Variants in CLTRN observed in about 807,000 individuals in gnomAD.
CLTRN encodes the protein collectrin.
CLTRN carries 12 observed loss-of-function variants against 14.5 expected under a neutral mutation model. That is an observed-to-expected ratio of 0.83 (90% CI 0.53 to 1.34). CLTRN has a LOEUF of 1.34. Ranked by LOEUF, CLTRN falls within the 40% of genes most tolerant of loss-of-function variation. The pLI is 0.00. For synonymous variants in CLTRN, 58 were observed against 56.5 expected (o/e 1.03, Z -0.12); for missense variants, 154 against 165.1 (o/e 0.93, Z 0.37).
chrX:15,660,527 G>T (rs923738276), intron 2 of CLTRN, among the ~76,000 whole-genome samples: 1 of 110,065 alleles, frequency 9.1e-6, no homozygotes, highest in Non-Finnish European at 1.9e-5. Flanking sequence ...ACAGAAAAGG[G>T]GGACAGGAGT....
At chrX:15,653,774 G>A (rs955154713) in intron 3 of CLTRN, among the ~76,000 whole-genome samples, 6 of 112,098 alleles carry the variant, frequency 5.4e-5, no homozygotes, top group Non-Finnish European at 7.5e-5. Context: ...TGCAGAGTCC[G>A]AGAAGGGCAG....
At chrX:15,675,623 G>C (rs1274493080), upstream of CLTRN, 1 of 112,665 alleles carries the variant, frequency 8.9e-6, no homozygotes, top group Non-Finnish European at 1.9e-5. Context: ...TTTCAGCCTG[G>C]GTCGGGGACA....
In CLTRN at chrX:15,645,407, G is replaced by T. The variant is rs940188993; in HGVS notation, c.204-378C>A. On this transcript the variant is annotated intron_variant, in intron 3 of 5. Coordinates refer to ENST00000380342, the MANE Select transcript of CLTRN (RefSeq NM_020665.6). ...CTCATTCAACTCTTTTTAGTGCCCT[G>T]CCCATTCAGTCTTCCACCTCTCAGA... is the stretch of plus-strand genomic sequence containing the variant. 3.6e-5 allele frequency among the ~76,000 whole-genome samples: 4 copies of T among 110,978 alleles called. No individual in the cohort carries two copies. In the Admixed American group the frequency reaches 3.8e-4, roughly 11 times the overall value.
At chrX:15,633,392 C>T (rs1308369477) in intron 5 of CLTRN, among the ~76,000 whole-genome samples, 1 of 112,203 alleles carries the variant, frequency 8.9e-6, no homozygotes, top group Admixed American at 9.4e-5. Context: ...GGAATTGACA[C>T]TCAAATACGT....
At chrX:15,638,989 C>G (rs1928878914) in intron 5 of CLTRN, among the ~76,000 whole-genome samples, 2 of 111,808 alleles carry the variant, frequency 1.8e-5, no homozygotes, top group South Asian at 7.5e-4. Context: ...AACAAGTGTT[C>G]CAGGTGATGT....
At chrX:15,635,613 C>T (rs5934253) in intron 5 of CLTRN, among the ~76,000 whole-genome samples, 27,568 of 110,334 alleles carry the variant, frequency 0.25, 2,721 homozygotes, top group East Asian at 0.52. Flanking sequence ...TTGTCTCACA[C>T]CAAATACAAA....
At chrX:15,633,308 A>G (rs1490990045) in intron 5 of CLTRN, among the ~76,000 whole-genome samples, 3 of 112,464 alleles carry the variant, frequency 2.7e-5, no homozygotes, top group Non-Finnish European at 5.6e-5. Flanking sequence ...ATATTTTATT[A>G]TCACTGTTTT....
intron 2 of CLTRN, among the ~76,000 whole-genome samples, chrX:15,662,475 A>G (rs1485330776): frequency 9.0e-6 from 1 of 111,399 alleles, no homozygotes; most frequent in Admixed American, 9.5e-5. Context: ...CTCTGACCGG[A>G]GTCTGTTCAT....
At chrX:15,657,760 G>C (rs1015778982) in intron 3 of CLTRN, among the ~76,000 whole-genome samples, 1 of 111,521 alleles carries the variant, frequency 9.0e-6, no homozygotes, top group Non-Finnish European at 1.9e-5. Flanking sequence ...ATAATTTTAA[G>C]ATCTATAAAA....
At chrX:15,646,316 G>C (rs954281600) in intron 3 of CLTRN, 2 of 257,140 alleles carry the variant, frequency 7.8e-6, no homozygotes, top group African/African-American at 5.7e-5. Context: ...CACTGAGCCC[G>C]GACACTATCT....
chrX:15,666,511 C>T (rs1255314919), upstream of CLTRN, among the ~76,000 whole-genome samples: 7 of 112,080 alleles, frequency 6.2e-5, no homozygotes, highest in South Asian at 7.4e-4. Context: ...AAAGCAACAA[C>T]GAGGAAAATA....
At chrX:15,671,901 G>GT (rs1929727540) in intron 1 of CLTRN, among the ~76,000 whole-genome samples, 1 of 108,116 alleles carries the variant, frequency 9.2e-6, no homozygotes, top group African/African-American at 3.4e-5. Context: ...AGTATCCTTG[G>GT]TAAGCAAGAA....
intron 3 of CLTRN, among the ~76,000 whole-genome samples, chrX:15,655,260 C>G (rs1929322510): frequency 8.9e-6 from 1 of 112,149 alleles, no homozygotes; most frequent in African/African-American, 3.2e-5. Flanking sequence ...TAAGGAAAGG[C>G]CAAATTATTC....
chrX:15,632,814 G>A (rs1251658652), intron 5 of CLTRN, among the ~76,000 whole-genome samples: 1 of 103,928 alleles, frequency 9.6e-6, no homozygotes, highest in Non-Finnish European at 2.0e-5. Context: ...AACCCGGGAG[G>A]CGGAGCTTGC....
chrX:15,656,476 G>A (rs747371479), intron 3 of CLTRN, among the ~76,000 whole-genome samples: 3 of 110,612 alleles, frequency 2.7e-5, no homozygotes, highest in Admixed American at 9.6e-5. Flanking sequence ...AATGGTGGGC[G>A]GGGGGGAGAC....
chrX:15,657,929 C>A (rs1365166978), intron 3 of CLTRN, among the ~76,000 whole-genome samples: 1 of 111,907 alleles, frequency 8.9e-6, no homozygotes, highest in Non-Finnish European at 1.9e-5. Context: ...TTCCACTCTT[C>A]TGTTTCATTC....
intron 3 of CLTRN, among the ~76,000 whole-genome samples, chrX:15,650,411 T>A (rs1475829553): frequency 9.0e-6 from 1 of 111,709 alleles, no homozygotes; most frequent in South Asian, 3.7e-4. Flanking sequence ...ATTTAAAAAA[T>A]TTGTTTGAAA....
chrX:15,670,096 C>T (rs12011919), intron 1 of CLTRN, among the ~76,000 whole-genome samples: 3,416 of 109,251 alleles, frequency 0.031, 121 homozygotes, highest in African/African-American at 0.11. Flanking sequence ...GACAACATGG[C>T]GAAACCCCCT....
chrX:15,653,741 G>A (rs754728757), intron 3 of CLTRN, among the ~76,000 whole-genome samples: 7 of 111,974 alleles, frequency 6.3e-5, no homozygotes, highest in South Asian at 3.8e-4. Context: ...AAAAGAAACC[G>A]AGAGTTTGGG....
Sources: allele counts gnomAD v4.1 joint callset (sites outside exome capture counted in the v4.1 genomes callset), GRCh38; gene constraint gnomAD v4.1.1; transcripts MANE v1.5; gene names NCBI Gene and HGNC (gene_info 2026-07-23, HGNC 2026-07-21).